The following ITGA1 variants were observed in gnomAD, a reference collection of about 807,000 sequenced individuals.
ITGA1 encodes the protein integrin alpha-1.
A neutral mutation model predicts 145.9 loss-of-function variants in ITGA1; 85 were observed. The observed-to-expected ratio is 0.58, with a 90% confidence interval of 0.49 to 0.70. The LOEUF is 0.70. Ranked by LOEUF, ITGA1 falls within the 30% of genes least tolerant of loss-of-function variation. The pLI is 0.00. For synonymous variants in ITGA1, 520 were observed against 495.3 expected (o/e 1.05, Z -0.66); for missense variants, 1,351 against 1,418.7 (o/e 0.95, Z 0.77).
intron 1 of ITGA1, among the ~76,000 whole-genome samples, chr5:52,792,308 A>C (rs1055640306): frequency 7.9e-5 from 12 of 152,180 alleles, no homozygotes; most frequent in African/African-American, 2.9e-4. Flanking sequence ...TATTCAAAAC[A>C]AAGAATGACT....
intron 6 of ITGA1, among the ~76,000 whole-genome samples, chr5:52,877,953 A>G (rs1403968235): frequency 6.6e-6 from 1 of 152,232 alleles, no homozygotes; most frequent in East Asian, 1.9e-4. Context: ...GTGAGGAAGC[A>G]TTTCCAACAG....
chr5:52,865,122 C>A, intron 5 of ITGA1, 40 bp downstream of exon 5: 6 of 1,419,784 alleles, frequency 4.2e-6, no homozygotes, highest in Non-Finnish European at 5.9e-6. Flanking sequence ...TTTGAAAAGC[C>A]TATGCAATGA....
chr5:52,810,986 AT>A (rs1369028995), intron 1 of ITGA1, among the ~76,000 whole-genome samples: 2 of 152,342 alleles, frequency 1.3e-5, no homozygotes. Context: ...TGAATTAGAA[AT>A]TTTAATTGTG....
intron 14 of ITGA1, among the ~76,000 whole-genome samples, chr5:52,911,089 G>T (rs887056034): frequency 1.6e-5 from 2 of 125,418 alleles, no homozygotes; most frequent in African/African-American, 3.5e-5. Context: ...AGTATATATA[G>T]TGTATATATA....
At chr5:52,911,062 G>GTA (rs1750512010) in intron 14 of ITGA1, among the ~76,000 whole-genome samples, 3 of 128,112 alleles carry the variant, frequency 2.3e-5, no homozygotes, top group Non-Finnish European at 4.7e-5. Context: ...TATACATAGT[G>GTA]TATATAGTGT....
At chr5:52,912,387 A>G (rs1006417748) in intron 14 of ITGA1, among the ~76,000 whole-genome samples, 3 of 145,928 alleles carry the variant, frequency 2.1e-5, no homozygotes, top group Non-Finnish European at 4.5e-5. Context: ...TATTATATAT[A>G]GTGTATCCAG....
At chr5:52,922,742 G>A in intron 17 of ITGA1, 35 bp from the exon 18 acceptor site, 2 of 1,305,088 alleles carry the variant, frequency 1.5e-6, no homozygotes, top group Non-Finnish European at 2.2e-6. Flanking sequence ...CGGTAAATAT[G>A]ATACCAGTGA....
At chr5:52,945,285 T>G (rs919258726) in intron 27 of ITGA1, among the ~76,000 whole-genome samples, 2 of 152,198 alleles carry the variant, frequency 1.3e-5, no homozygotes, top group Non-Finnish European at 2.9e-5. Flanking sequence ...CACTTATAAC[T>G]ATCACGGTAA....
intron 17 of ITGA1, among the ~76,000 whole-genome samples, chr5:52,922,237 G>T (rs1750740971): frequency 6.6e-6 from 1 of 152,156 alleles, no homozygotes; most frequent in Non-Finnish European, 1.5e-5. Flanking sequence ...GGAAGTGGAG[G>T]TTGCAGTGAG....
At chr5:52,910,582 T>C (rs577327325) in intron 14 of ITGA1, among the ~76,000 whole-genome samples, 163 bp downstream of exon 14, 24 of 150,334 alleles carry the variant, frequency 1.6e-4, no homozygotes, top group Admixed American at 1.5e-3. Flanking sequence ...AGTTACTATA[T>C]ATATATACAC....
intron 14 of ITGA1, among the ~76,000 whole-genome samples, chr5:52,911,396 A>G (rs1453504558): frequency 2.2e-5 from 3 of 134,738 alleles, no homozygotes; most frequent in African/African-American, 8.0e-5. Context: ...TATAGTGTAT[A>G]TATAGTATAT....
chr5:52,834,475 C>G (rs966270818), intron 1 of ITGA1, among the ~76,000 whole-genome samples: 4 of 136,058 alleles, frequency 2.9e-5, no homozygotes, highest in East Asian at 2.1e-4. Context: ...GAGAGAGAGA[C>G]AGAGAGAGAA....
chr5:52,952,267 T>C (rs1751233623), intron 28 of ITGA1, 140 bp from the exon 29 acceptor site: 2 of 451,422 alleles, frequency 4.4e-6, no homozygotes, highest in Admixed American at 8.9e-5. Flanking sequence ...AATAGGTCAA[T>C]GAGAAAATAT....
intron 7 of ITGA1, 43 bp downstream of exon 7, chr5:52,882,064 A>G (rs762594382): frequency 2.8e-5 from 41 of 1,460,212 alleles, no homozygotes; most frequent in Non-Finnish European, 3.7e-5. Flanking sequence ...GACTGCAAAA[A>G]TAACTGCTCA....
chr5:52,841,358 A>T (rs190142708), intron 1 of ITGA1, among the ~76,000 whole-genome samples: 1 of 152,158 alleles, frequency 6.6e-6, no homozygotes, highest in African/African-American at 2.4e-5. Context: ...TCATTGGCCA[A>T]GGCCCTATAA....
At chr5:52,878,767 A>G (rs1043400279) in intron 6 of ITGA1, among the ~76,000 whole-genome samples, 3 of 152,320 alleles carry the variant, frequency 2.0e-5, no homozygotes, top group African/African-American at 7.2e-5. Flanking sequence ...AAAGGAGACC[A>G]GGTTACAATT....
intron 26 of ITGA1, among the ~76,000 whole-genome samples, chr5:52,940,966 G>C (rs1174528122): frequency 1.3e-5 from 2 of 152,220 alleles, no homozygotes; most frequent in East Asian, 3.9e-4. Context: ...GGTGTCTACT[G>C]TTCCCATCTT....
intron 7 of ITGA1, 125 bp downstream of exon 7, chr5:52,882,146 G>T (rs1749971438): frequency 2.8e-6 from 2 of 719,040 alleles, no homozygotes; most frequent in Non-Finnish European, 2.1e-6. Flanking sequence ...TTTAAAATGA[G>T]ATTCAGAAGA....
At chr5:52,876,321 C>CT (rs1417517665) in intron 6 of ITGA1, among the ~76,000 whole-genome samples, 2 of 190 alleles carry the variant, frequency 0.011, no homozygotes, top group African/African-American at 0.036. Context: ...GTGATTTGAC[C>CT]CTTGTCTGTA....
Sources: gnomAD v4.1 joint callset for allele counts (sites outside exome capture counted in the v4.1 genomes callset) on GRCh38, gnomAD v4.1.1 for gene constraint, MANE v1.5 for transcripts, NCBI Gene and HGNC (gene_info 2026-07-23, HGNC 2026-07-21) for gene names.